SNRK: variants seen among roughly 807,000 people sequenced by gnomAD.
SNRK encodes the protein SNF related kinase, also known as SNF-related serine/threonine-protein kinase.
Under a neutral mutation model 48.2 loss-of-function variants are expected in SNRK, and 3 were observed. The ratio of observed to expected loss-of-function variants is 0.06; its 90% CI spans 0.03 to 0.16. The LOEUF (loss-of-function observed/expected upper bound fraction) is 0.16. Ranked by LOEUF, SNRK falls within the 10% of genes least tolerant of loss-of-function variation. The pLI is 1.00. For missense variants in SNRK, 627 were observed against 976.0 expected (o/e 0.64, Z 4.76); for synonymous variants, 376 against 366.1 (o/e 1.03, Z -0.31).
chr3:43,305,563 A>T (rs1196866389), intron 3 of SNRK, among the ~76,000 whole-genome samples: 1 of 150,962 alleles, frequency 6.6e-6, no homozygotes, highest in Non-Finnish European at 1.5e-5. Flanking sequence ...GCTCTCTGCA[A>T]GCTCTGCCTC....
At chr3:43,298,047 G>A (rs1559459045) in intron 1 of SNRK, among the ~76,000 whole-genome samples, 2 of 152,078 alleles carry the variant, frequency 1.3e-5, no homozygotes, top group Admixed American at 1.3e-4. Context: ...TGGTGGTGGT[G>A]GTAGCTGGTA....
At chr3:43,342,430 T>C (rs2091244526) in intron 5 of SNRK, among the ~76,000 whole-genome samples, 1 of 152,242 alleles carries the variant, frequency 6.6e-6, no homozygotes, top group Non-Finnish European at 1.5e-5. Flanking sequence ...TAAGTCATTC[T>C]ACCCTTGAAT....
At chr3:43,338,286 C>T (rs958828873) in intron 4 of SNRK, among the ~76,000 whole-genome samples, 14 of 152,178 alleles carry the variant, frequency 9.2e-5, no homozygotes, top group Admixed American at 7.9e-4. Flanking sequence ...TGGTGATAAG[C>T]ATTCTCAGTT....
chr3:43,304,772 A>G (rs961057637), intron 3 of SNRK, among the ~76,000 whole-genome samples: 11 of 152,134 alleles, frequency 7.2e-5, no homozygotes, highest in South Asian at 4.1e-4. Flanking sequence ...TGCACTTAAC[A>G]TTGAAGAGTG....
intron 1 of SNRK, among the ~76,000 whole-genome samples, chr3:43,287,309 G>A (rs942578972): frequency 6.6e-6 from 1 of 152,136 alleles, no homozygotes; most frequent in African/African-American, 2.4e-5. Flanking sequence ...CATAGTCATC[G>A]CCTGTTGATT....
At position 43,303,470 on chromosome 3, in the gene SNRK, T is replaced by C. The variant is rs1449502450; in HGVS notation, c.267T>C (p.Tyr89=). Residue 89 remains tyrosine (Y), a synonymous_variant, in exon 3 of 7, where the codon TAT becomes TAC. Transcript: ENST00000296088. This position sits in a 1 kb window ranked among gnomAD's most constrained non-coding sequence, Gnocchi z 6.2. ...YEVIDTQTKL[Y]LILELGDGGD... is the part of the protein sequence containing the mutation. ...TTATTGACACCCAGACCAAACTATA[T>C]CTTATTCTAGAACTTGGGGATGGAG... 6.2e-7 allele frequency: 1 copy of C among 1,614,012 alleles called. No homozygotes were observed. The highest frequency in any genetic ancestry group is 1.3e-5 in the African/African-American group (1 of 74,898).
chr3:43,336,083 T>C (rs1052736659), intron 4 of SNRK, among the ~76,000 whole-genome samples: 5 of 152,104 alleles, frequency 3.3e-5, no homozygotes, highest in Non-Finnish European at 7.4e-5. Flanking sequence ...ATTTATGCCA[T>C]CTTTTTATAT....
chr3:43,350,330 G>T lies in SNRK; in HGVS notation c.*1773G>T, dbSNP rs1188254764. The T allele has an allele frequency of 6.6e-6, 1 of 152,600 alleles. No individual in the cohort carries two copies. The highest frequency in any genetic ancestry group is 2.4e-5 in the African/African-American group (1 of 41,424). 9.5% of individuals were successfully genotyped at this position (152,600 alleles called of 1,614,324 possible). A position where few individuals can be genotyped will look rare whatever the true frequency, so the allele number is the denominator to read the frequency against. ...TGTGTGGTTCACATAGATAGTGAGC[G>T]TAACATCTGTATTAAACATAGGAGA... On this transcript the variant is annotated 3_prime_UTR_variant, in exon 7 of 7. Coordinates refer to ENST00000296088, the MANE Select transcript of SNRK (RefSeq NM_017719.5).
chr3:43,292,858 A>G lies in SNRK; in HGVS notation c.-169+6183A>G, dbSNP rs143659952. The stretch of plus-strand genomic sequence containing the variant: ...ATTTCTCTTTTTATATGGGGATACT[A>G]TTTTCTTTTCTTTTTTTTAAGTACT... On this transcript the variant is annotated intron_variant, in intron 1 of 6. Coordinates refer to ENST00000296088, the MANE Select transcript of SNRK (RefSeq NM_017719.5). Among the ~76,000 whole-genome samples the G allele has an allele frequency of 2.9e-3, 445 of 151,748 alleles. 1 individual carries two copies. Among genetic ancestry groups the G allele is most frequent in the African/African-American group, 0.01 (428 of 41,336 alleles).
At position 43,317,235 on chromosome 3, in the gene SNRK, A is replaced by C. The variant is rs17075549; in HGVS notation, c.589+13443A>C. Among the ~76,000 whole-genome samples the C allele has an allele frequency of 8.3e-3, 1,264 of 152,270 alleles. 16 individuals are homozygous for C. Among genetic ancestry groups the C allele is most frequent in the African/African-American group, 0.029 (1,213 of 41,552 alleles). On this transcript the variant is annotated intron_variant, in intron 3 of 6. Coordinates refer to ENST00000296088, the MANE Select transcript of SNRK (RefSeq NM_017719.5). Reference sequence around the variant, plus strand: ...TGACTGGCATAAGTGTGTGTATTTTAGAAAGACAACAAGAGAAAGGAGGGA... The same window carrying C: ...TGACTGGCATAAGTGTGTGTATTTTCGAAAGACAACAAGAGAAAGGAGGGA...
chr3:43,317,349 A>G lies in SNRK; in HGVS notation c.589+13557A>G, dbSNP rs542590488. Among the ~76,000 whole-genome samples the G allele has an allele frequency of 2.6e-5, 4 of 152,270 alleles. No individual in the cohort carries two copies. In the East Asian group the frequency reaches 7.7e-4, roughly 29 times the overall value. On this transcript the variant is annotated intron_variant, in intron 3 of 6. Coordinates refer to ENST00000296088, the MANE Select transcript of SNRK (RefSeq NM_017719.5). ...GAGAGGAGGATCTGGGGCTTTGTGC[A>G]AGAGTATGTCGGGAATTGCAGTGGG...
intron 2 of SNRK, among the ~76,000 whole-genome samples, chr3:43,302,478 A>T (rs1023935992): frequency 1.3e-5 from 2 of 152,226 alleles, no homozygotes; most frequent in African/African-American, 4.8e-5. Context: ...TAGAATAGAA[A>T]ATCCCTGAGA....
intron 1 of SNRK, among the ~76,000 whole-genome samples, chr3:43,298,831 T>A (rs1044548692): frequency 2.0e-5 from 3 of 152,240 alleles, no homozygotes; most frequent in Non-Finnish European, 4.4e-5. Context: ...TGGTGATAGT[T>A]TCTTTGTTAC....
intron 1 of SNRK, among the ~76,000 whole-genome samples, chr3:43,297,590 TC>T (rs962280123): frequency 3.3e-5 from 5 of 151,888 alleles, no homozygotes; most frequent in African/African-American, 1.2e-4. Context: ...TCAAAATTCC[TC>T]CCCCCCTTTT....
chr3:43,311,969 C>A (rs530267082), intron 3 of SNRK, among the ~76,000 whole-genome samples: 1 of 152,148 alleles, frequency 6.6e-6, no homozygotes, highest in East Asian at 1.9e-4. Context: ...AGTTGTAAAA[C>A]CCTGACATTA....
chr3:43,336,898 G>T (rs535420797), intron 4 of SNRK, among the ~76,000 whole-genome samples: 3 of 151,822 alleles, frequency 2.0e-5, no homozygotes, highest in African/African-American at 7.3e-5. Flanking sequence ...GACTACAGGC[G>T]CCCGCCATCA....
intron 6 of SNRK, chr3:43,346,871 AT>A (rs1478262227): frequency 6.5e-6 from 1 of 153,390 alleles, no homozygotes; most frequent in Non-Finnish European, 1.4e-5. Context: ...TTTCCATTTC[AT>A]TTTATAAACA....
rs571668890 is a variant in SNRK, at chr3:43,338,073, A to G, written c.732-2214A>G. On this transcript the variant is annotated intron_variant, in intron 4 of 6. Coordinates refer to ENST00000296088, the MANE Select transcript of SNRK (RefSeq NM_017719.5). ...CCTCTTTATTCTCTTCTTGAACAAC[A>G]CAAAATCTTTAGAATATTTTAACTA... 6.6e-5 allele frequency among the ~76,000 whole-genome samples: 10 copies of G among 152,306 alleles called. No individual in the cohort carries two copies. In the East Asian group the frequency reaches 1.9e-3, roughly 29 times the overall value.
intron 1 of SNRK, among the ~76,000 whole-genome samples, 161 bp downstream of exon 1, chr3:43,286,836 AGCGCGCGGCCCGGGAGGACGCG>A (rs1006378633): frequency 2.1e-5 from 3 of 145,022 alleles, no homozygotes; most frequent in African/African-American, 7.4e-5. Flanking sequence ...CGCCGGCCGC[AGCGCGCGGCCCGGGAGGACGCG>A]GGGCCCGGGC....
Sources: gnomAD v4.1 joint callset for allele counts (sites outside exome capture counted in the v4.1 genomes callset) on GRCh38, gnomAD v4.1.1 for gene constraint, Gnocchi (gnomAD v3.1) non-coding constraint, MANE v1.5 for transcripts, NCBI Gene and HGNC (gene_info 2026-07-23, HGNC 2026-07-21) for gene names.